The following TMPRSS3 variants were observed in gnomAD, a reference collection of about 807,000 sequenced individuals.
The protein encoded by TMPRSS3 is transmembrane protease serine 3.
A neutral mutation model predicts 59.6 loss-of-function variants in TMPRSS3; 55 were observed. That is an observed-to-expected ratio of 0.92 (90% CI 0.74 to 1.16). The LOEUF (loss-of-function observed/expected upper bound fraction) is 1.16, where lower values mean the gene tolerates loss of function less well. Among genes scored for constraint, TMPRSS3 ranks in the 50% most tolerant of loss-of-function variants. TMPRSS3 has a pLI of 0.00. For synonymous variants in TMPRSS3, 257 were observed against 237.7 expected, an observed-to-expected ratio of 1.08 and a Z score of -0.75; for missense variants, 596 against 579.4, an observed-to-expected ratio of 1.03 and a Z score of -0.29.
rs1277928330 is a variant in TMPRSS3 at position 42,382,097 on chromosome 21, A to C, written c.920T>G (p.Leu307Arg). Residue 307 changes from leucine (L) to arginine (R), a missense_variant, in exon 9 of 13, where the codon CTT (leucine) becomes CGT (arginine). Coordinates refer to ENST00000644384, the MANE Select transcript of TMPRSS3 (RefSeq NM_001256317.3). ...CGTGAGTGGCCCGGCCAGCTTCATA[A>C]GGGCGATGTCATTGCCCAGCCTCTT... ...KPKRLGNDIA[L>R]MKLAGPLTFN... is the part of the protein sequence containing the mutation. The C allele has an allele frequency of 1.2e-6, 2 of 1,614,220 alleles. No homozygotes were observed. The highest frequency in any genetic ancestry group is 8.5e-7 in the Non-Finnish European group (1 of 1,180,038).
chr21:42,395,592 T>C, intron 1 of TMPRSS3, 124 bp from the exon 2 acceptor site: 1 of 637,154 alleles, frequency 1.6e-6, no homozygotes, highest in Non-Finnish European at 2.9e-6. Flanking sequence ...CAGTATCGAT[T>C]AACCAAAAAC....
chr21:42,372,908 T>C lies in TMPRSS3; in HGVS notation c.1345-129A>G, dbSNP rs2052359652. On this transcript the variant is annotated intron_variant, in intron 12 of 12. Coordinates refer to ENST00000644384, the MANE Select transcript of TMPRSS3 (RefSeq NM_001256317.3). ...GCTGTTCTCCACGATGAAGACAAGG[T>C]TGGCCTCCCCCTGGGGCTGCCAGCT... 6 of 1,165,112 alleles carry C rather than the reference T, an allele frequency of 5.1e-6. No homozygotes were observed. The Admixed American group carries it at 1.1e-4, about 22-fold the overall frequency. 72.2% of individuals were successfully genotyped at this position (1,165,112 alleles called of 1,614,324 possible). A position where few individuals can be genotyped will look rare whatever the true frequency, so the allele number is the denominator to read the frequency against.
chr21:42,389,580 C>T (rs1045873283), intron 3 of TMPRSS3, among the ~76,000 whole-genome samples: 4 of 152,248 alleles, frequency 2.6e-5, no homozygotes, highest in African/African-American at 4.8e-5. Context: ...ACAGCTGGTG[C>T]GCCTGCATTG....
Position 42,389,006 on chromosome 21 carries a change from G to C in TMPRSS3, c.245C>G (p.Ser82Cys), listed in dbSNP as rs1387059465. 2 of 1,614,200 alleles carry C rather than the reference G, an allele frequency of 1.2e-6. No homozygotes were observed. The highest frequency in any genetic ancestry group is 1.7e-5 in the Admixed American group (1 of 60,036). The stretch of plus-strand genomic sequence containing the variant: ...AGCTATCAGCTCGATACACTTAAAG[G>C]ATGAGCGACATCTGTACTTCCCTGA... Reference protein sequence around the residue: ...DCSGKYRCRSSFKCIELIARC... With the variant: ...DCSGKYRCRSCFKCIELIARC... Residue 82 changes from serine (S) to cysteine (C), a missense_variant, in exon 4 of 13, where the codon TCC (serine) becomes TGC (cysteine). Physicochemically the swap from Ser to Cys is moderately radical, Grantham distance 112. Coordinates refer to ENST00000644384, the MANE Select transcript of TMPRSS3 (RefSeq NM_001256317.3).
intron 2 of TMPRSS3, chr21:42,390,322 C>T (rs919460005): frequency 4.8e-5 from 20 of 416,668 alleles, no homozygotes; most frequent in East Asian, 1.1e-4. Flanking sequence ...ACTCTTAGTA[C>T]CTCAGAATGG....
intron 6 of TMPRSS3, among the ~76,000 whole-genome samples, chr21:42,384,918 C>G (rs545862413): frequency 1.3e-5 from 2 of 151,094 alleles, no homozygotes; most frequent in African/African-American, 4.9e-5. Flanking sequence ...TTACCTTCCC[C>G]ATGAGTTGTT....
chr21:42,390,062 A>C (rs1353590062), intron 2 of TMPRSS3, 25 bp from the exon 3 acceptor site: 1 of 1,540,098 alleles, frequency 6.5e-7, no homozygotes, highest in Non-Finnish European at 9.0e-7. Context: ...AAGGAAGAGC[A>C]GAAAGCCACA....
chr21:42,391,113 G>C (rs2052727764), intron 2 of TMPRSS3, among the ~76,000 whole-genome samples: 1 of 152,252 alleles, frequency 6.6e-6, no homozygotes, highest in African/African-American at 2.4e-5. Context: ...TCCCTGCAGA[G>C]GAGGGGGTGA....
At chr21:42,384,069 C>T in intron 6 of TMPRSS3, 56 bp from the exon 7 acceptor site, 1 of 1,567,124 alleles carries the variant, frequency 6.4e-7, no homozygotes, top group South Asian at 1.1e-5. Flanking sequence ...GTGAAAGGAA[C>T]ACTCTTAAAA....
chr21:42,379,675 C>T lies in TMPRSS3; in HGVS notation c.1048+442G>A, dbSNP rs118002012. On this transcript the variant is annotated intron_variant, in intron 10 of 12. Transcript: ENST00000644384. ...CTACTTCCCTTATTATTACAGCGATCTCATCTGCTGCTGCTTCCACTTGCT... is the reference window on the plus strand; with the variant it reads ...CTACTTCCCTTATTATTACAGCGATTTCATCTGCTGCTGCTTCCACTTGCT... Among the ~76,000 whole-genome samples the T allele has an allele frequency of 5.3e-3, 810 of 152,244 alleles. 2 individuals are homozygous for T. Among genetic ancestry groups the T allele is most frequent in the Non-Finnish European group, 7.1e-3 (483 of 68,010 alleles).
chr21:42,381,789 T>C (rs2052533838), intron 9 of TMPRSS3: 2 of 580,518 alleles, frequency 3.4e-6, no homozygotes, highest in Admixed American at 2.7e-5. Flanking sequence ...CAGGGTAACA[T>C]TGAAAATGTA....
intron 2 of TMPRSS3, among the ~76,000 whole-genome samples, chr21:42,390,578 ATTAGCTGGGC>A (rs894853821): frequency 6.6e-6 from 1 of 152,106 alleles, no homozygotes; most frequent in African/African-American, 2.4e-5. Flanking sequence ...AAATACAAAA[ATTAGCTGGGC>A]ATGATGGCAG....
At chr21:42,377,182 A>ACATT (rs1291478381) in intron 10 of TMPRSS3, among the ~76,000 whole-genome samples, 1 of 152,208 alleles carries the variant, frequency 6.6e-6, no homozygotes, top group East Asian at 1.9e-4. Flanking sequence ...GGCAAATGGG[A>ACATT]CATTGCAGGT....
At chr21:42,382,288 C>G in intron 8 of TMPRSS3, 54 bp from the exon 9 acceptor site, 2 of 1,513,390 alleles carry the variant, frequency 1.3e-6, no homozygotes, top group Non-Finnish European at 1.8e-6. Context: ...CCACTGAACT[C>G]ATTGACCTCA....
In TMPRSS3 at chr21:42,382,212, T is replaced by C; in HGVS notation, c.805A>G (p.Thr269Ala). The C allele has an allele frequency of 6.2e-7, 1 of 1,614,114 alleles. No homozygotes were observed. The highest frequency in any genetic ancestry group is 1.1e-5 in the South Asian group (1 of 91,078). ...AGGGAAACTAGACCCACCTGGATGG[T>C]CCATGACTTGGGGAGGTACAAGCTG... is the stretch of plus-strand genomic sequence containing the variant. ...VYDLYLPKSWTIQVGLVSLLD... is the reference protein window; with the variant it reads ...VYDLYLPKSWAIQVGLVSLLD... Residue 269 changes from threonine (T) to alanine (A), a missense_variant, in exon 9 of 13, where the codon ACC (threonine) becomes GCC (alanine). Coordinates refer to ENST00000644384, the MANE Select transcript of TMPRSS3 (RefSeq NM_001256317.3).
intron 5 of TMPRSS3, among the ~76,000 whole-genome samples, chr21:42,386,358 A>G (rs1029554748): frequency 6.6e-6 from 1 of 152,218 alleles, no homozygotes; most frequent in African/African-American, 2.4e-5. Context: ...AGTTTTGAGG[A>G]AAATGTAATC....
At chr21:42,395,188 G>T in intron 2 of TMPRSS3, 136 bp downstream of exon 2, 1 of 758,134 alleles carries the variant, frequency 1.3e-6, no homozygotes, top group Non-Finnish European at 2.3e-6. Context: ...TGCAGATCTA[G>T]GGAAGTGCAG....
intron 2 of TMPRSS3, among the ~76,000 whole-genome samples, chr21:42,394,225 C>T (rs1164527616): frequency 6.6e-6 from 1 of 151,746 alleles, no homozygotes; most frequent in Non-Finnish European, 1.5e-5. Context: ...TATTATAGTG[C>T]TATTAATATT....
rs4920100 is a variant in TMPRSS3 at position 42,395,475 on chromosome 21, C to T, written c.-51-7G>A. The T allele has an allele frequency of 1.7e-5, 24 of 1,405,112 alleles. 1 individual carries two copies. The South Asian group carries it at 2.2e-4, about 13-fold the overall frequency. The allele number at this position is 1,405,112 out of a possible 1,614,324, so 87.0% of individuals were successfully genotyped here. On this transcript the variant is annotated splice_polypyrimidine_tract_variant and splice_region_variant and intron_variant, in intron 1 of 12. Coordinates refer to ENST00000644384, the MANE Select transcript of TMPRSS3 (RefSeq NM_001256317.3). Reference sequence around the variant, plus strand: ...CCGCCTCCACCTCTACCTCCTTAGCCGAGGAAGAACAGAAAGCATTTGTTC... The same window carrying T: ...CCGCCTCCACCTCTACCTCCTTAGCTGAGGAAGAACAGAAAGCATTTGTTC...
Sources: allele counts gnomAD v4.1 joint callset (sites outside exome capture counted in the v4.1 genomes callset), GRCh38; gene constraint gnomAD v4.1.1; transcripts MANE v1.5; gene names NCBI Gene and HGNC (gene_info 2026-07-23, HGNC 2026-07-21).